TMEM164: variants seen among roughly 807,000 people sequenced by gnomAD.
TMEM164 encodes the protein RP13-360B22.2.
A neutral mutation model predicts 18.8 loss-of-function variants in TMEM164; 4 were observed. The observed-to-expected ratio is 0.21, with a 90% CI of 0.10 to 0.49. TMEM164 has a LOEUF of 0.49. Ranked by LOEUF, TMEM164 falls within the 20% of genes least tolerant of loss-of-function variation. The pLI, the probability that TMEM164 is intolerant of heterozygous loss-of-function variation, is 0.98. For missense variants in TMEM164, 108 were observed against 239.9 expected, an observed-to-expected ratio of 0.45 and a Z score of 3.63; for synonymous variants, 86 against 101.7, an observed-to-expected ratio of 0.85 and a Z score of 0.93.
intron 3 of TMEM164, among the ~76,000 whole-genome samples, chrX:110,100,039 T>A (rs1217648879): frequency 8.9e-6 from 1 of 112,487 alleles, no homozygotes; most frequent in African/African-American, 3.2e-5. Flanking sequence ...TGTGTTGACT[T>A]CGCATCCTGT....
intron 3 of TMEM164, among the ~76,000 whole-genome samples, chrX:110,075,937 T>G (rs2065664419): frequency 9.0e-6 from 1 of 110,542 alleles, no homozygotes; most frequent in South Asian, 3.8e-4. Flanking sequence ...CACTGTGTCT[T>G]TGACAGATTT....
At chrX:110,062,036 G>A (rs775120009) in intron 2 of TMEM164, among the ~76,000 whole-genome samples, 34 of 111,829 alleles carry the variant, frequency 3.0e-4, no homozygotes, top group African/African-American at 1.0e-3. Context: ...TTTTCAAAGC[G>A]TGATATCAAA....
At chrX:110,165,215 C>T (rs2067144444) in intron 5 of TMEM164, among the ~76,000 whole-genome samples, 1 of 112,926 alleles carries the variant, frequency 8.9e-6, no homozygotes, top group South Asian at 3.6e-4. Flanking sequence ...GATGGGAATA[C>T]TCTATCTCTG....
At chrX:110,012,105 A>G (rs1933040346) in intron 2 of TMEM164, among the ~76,000 whole-genome samples, 1 of 112,255 alleles carries the variant, frequency 8.9e-6, no homozygotes, top group Non-Finnish European at 1.9e-5. Context: ...GTGAACAGAC[A>G]TTAAATGTGA....
At chrX:110,017,020 C>T (rs1445879626) in intron 2 of TMEM164, among the ~76,000 whole-genome samples, 2 of 112,081 alleles carry the variant, frequency 1.8e-5, no homozygotes, top group Non-Finnish European at 3.8e-5. Context: ...ACTATAGGCA[C>T]TGGATGTTCT....
At chrX:110,070,798 G>A (rs759041892) in intron 3 of TMEM164, among the ~76,000 whole-genome samples, 13 of 111,514 alleles carry the variant, frequency 1.2e-4, no homozygotes, top group South Asian at 3.8e-4. Flanking sequence ...CAACCACGCC[G>A]TAATGAGTGG....
Position 110,148,675 on chromosome X carries a change from ATTTTTTTTTT to A in TMEM164, c.586+3814_586+3823del, listed in dbSNP as rs373500523. 9.3e-3 allele frequency among the ~76,000 whole-genome samples: 632 copies of A among 67,890 alleles called. 11 individuals are homozygous for A. Among genetic ancestry groups the A allele is most frequent in the African/African-American group, 0.037 (603 of 16,387 alleles). The allele number at this position is 67,890 out of a possible 115,157, so 59.0% of individuals were successfully genotyped here. A position where few individuals can be genotyped will look rare whatever the true frequency, so the allele number is the denominator to read the frequency against. Reference sequence around the variant, plus strand: ...AGGCACATACTACCACACCCGGCTCATTTTTTTTTTTTTTTTTTTTTTTTGTATTGTGTAG... The same window carrying A: ...AGGCACATACTACCACACCCGGCTCATTTTTTTTTTTTTTGTATTGTGTAG... On this transcript the variant is annotated intron_variant, in intron 5 of 6. Transcript: ENST00000372068.
chrX:110,126,536 G>A (rs933847024), intron 4 of TMEM164, among the ~76,000 whole-genome samples: 3 of 111,958 alleles, frequency 2.7e-5, no homozygotes, highest in African/African-American at 9.7e-5. Flanking sequence ...GGCCCACAGT[G>A]GAGCACAAAC....
At chrX:110,091,885 A>G (rs1602605939) in intron 3 of TMEM164, among the ~76,000 whole-genome samples, 1 of 112,097 alleles carries the variant, frequency 8.9e-6, no homozygotes, top group Non-Finnish European at 1.9e-5. Flanking sequence ...TAATTTTTGC[A>G]TAAGGTGTAA....
chrX:110,066,320 C>T (rs1049222016), intron 2 of TMEM164, among the ~76,000 whole-genome samples: 6 of 112,133 alleles, frequency 5.4e-5, no homozygotes, highest in South Asian at 7.5e-4. Context: ...CACATGTCAA[C>T]GATTTCTAAA....
intron 5 of TMEM164, among the ~76,000 whole-genome samples, chrX:110,165,808 A>G (rs554235300): frequency 3.6e-5 from 4 of 112,287 alleles, no homozygotes; most frequent in African/African-American, 1.3e-4. Flanking sequence ...GTTAGTCTAG[A>G]TGTCTCCTTC....
In TMEM164 at chrX:110,175,148, C is replaced by CCTT. The variant is rs1291308514; in HGVS notation, c.*1697_*1698insCTT. The CCTT allele has an allele frequency of 8.9e-6, 1 of 112,746 alleles. No individual in the cohort carries two copies. The highest frequency in any genetic ancestry group is 3.2e-5 in the African/African-American group (1 of 31,039). 9.3% of individuals were successfully genotyped at this position (112,746 alleles called of 1,213,427 possible). On this transcript the variant is annotated 3_prime_UTR_variant, in exon 7 of 7. Coordinates refer to ENST00000372068, the MANE Select transcript of TMEM164 (RefSeq NM_032227.4). ...CTTTGTTTTTGGCCCTCTTTGAAGGCAGGGCCAAACTTTTCTTAGTGCCTC... is the reference window on the plus strand; with the variant it reads ...CTTTGTTTTTGGCCCTCTTTGAAGGCCTTAGGGCCAAACTTTTCTTAGTGCCTC...
chrX:110,086,272 G>A lies in TMEM164; in HGVS notation c.440+18876G>A, dbSNP rs191614444. On this transcript the variant is annotated intron_variant, in intron 3 of 6. Transcript: ENST00000372068. Reference sequence around the variant, plus strand: ...TGCTATTTTAAAGTAGAAATCCAGTGTATATTTTAGATTAGAGCAGAGATT... The same window carrying A: ...TGCTATTTTAAAGTAGAAATCCAGTATATATTTTAGATTAGAGCAGAGATT... 4.5e-5 allele frequency among the ~76,000 whole-genome samples: 5 copies of A among 111,887 alleles called. No individual in the cohort carries two copies. The Admixed American group carries it at 4.8e-4, about 11-fold the overall frequency.
chrX:110,006,311 C>T (rs1191920587), intron 2 of TMEM164, among the ~76,000 whole-genome samples: 1 of 111,407 alleles, frequency 9.0e-6, no homozygotes, highest in Non-Finnish European at 1.9e-5. Flanking sequence ...GTAAACTCAA[C>T]TGGGCCATGC....
intron 3 of TMEM164, among the ~76,000 whole-genome samples, chrX:110,094,793 GTA>G (rs2065987466): frequency 8.9e-6 from 1 of 111,872 alleles, no homozygotes; most frequent in Admixed American, 9.5e-5. Context: ...TTACAATTTG[GTA>G]TGTTTTTGCA....
intron 3 of TMEM164, among the ~76,000 whole-genome samples, chrX:110,072,584 A>AT (rs1482063614): frequency 9.0e-6 from 1 of 110,535 alleles, no homozygotes; most frequent in African/African-American, 3.3e-5. Context: ...GTAGTCATGT[A>AT]TTTTTTCTTG....
chrX:110,088,635 C>T (rs775391811), intron 3 of TMEM164, among the ~76,000 whole-genome samples: 23 of 111,838 alleles, frequency 2.1e-4, no homozygotes, highest in Admixed American at 3.8e-4. Flanking sequence ...GTTCTGCCTT[C>T]GGTTTATGTG....
chrX:110,089,724 G>A (rs2065899388), intron 3 of TMEM164, among the ~76,000 whole-genome samples: 1 of 111,929 alleles, frequency 8.9e-6, no homozygotes, highest in Non-Finnish European at 1.9e-5. Flanking sequence ...TGGAATTAGA[G>A]TTATAGTTGC....
At chrX:110,068,246 C>G (rs2065530849) in intron 3 of TMEM164, among the ~76,000 whole-genome samples, 1 of 111,978 alleles carries the variant, frequency 8.9e-6, no homozygotes, top group Non-Finnish European at 1.9e-5. Context: ...AAAAAGGACC[C>G]CATTTGCTGC....
Sources: gnomAD v4.1 joint callset for allele counts (sites outside exome capture counted in the v4.1 genomes callset) on GRCh38, gnomAD v4.1.1 for gene constraint, MANE v1.5 for transcripts, NCBI Gene and HGNC (gene_info 2026-07-23, HGNC 2026-07-21) for gene names.